TCERG1L: variants seen among roughly 807,000 people sequenced by gnomAD.
The protein encoded by TCERG1L is transcription elongation regulator 1 like, also known as transcription elongation regulator 1-like protein.
In TCERG1L, 37 loss-of-function variants were observed where a neutral mutation model predicts 56.3. That is an observed-to-expected ratio of 0.66 (90% CI 0.51 to 0.87). The LOEUF (loss-of-function observed/expected upper bound fraction) is 0.87, where lower values mean the gene tolerates loss of function less well. Among genes scored for constraint, TCERG1L ranks in the 40% least tolerant of loss-of-function variants. The pLI is 0.00. For synonymous variants in TCERG1L, 324 were observed against 326.3 expected, an observed-to-expected ratio of 0.99 and a Z score of 0.08; for missense variants, 799 against 774.2, an observed-to-expected ratio of 1.03 and a Z score of -0.38.
intron 4 of TCERG1L, among the ~76,000 whole-genome samples, chr10:131,236,161 T>C (rs1845909752): frequency 6.6e-6 from 1 of 152,226 alleles, no homozygotes; most frequent in Non-Finnish European, 1.5e-5. Context: ...ATGCAAACAC[T>C]TAGCCTTTCG....
intron 4 of TCERG1L, among the ~76,000 whole-genome samples, chr10:131,191,883 A>AG (rs1207710679): frequency 3.4e-4 from 46 of 136,206 alleles, no homozygotes; most frequent in African/African-American, 1.2e-3. Flanking sequence ...AAAAAAAAAA[A>AG]AAAAAAGAAA....
At chr10:131,281,423 T>C (rs949042037) in intron 3 of TCERG1L, among the ~76,000 whole-genome samples, 1 of 152,070 alleles carries the variant, frequency 6.6e-6, no homozygotes, top group Non-Finnish European at 1.5e-5. Flanking sequence ...AAAAAATCCA[T>C]TGCAGTAAAG....
At chr10:131,300,976 T>C (rs944633144) in intron 3 of TCERG1L, among the ~76,000 whole-genome samples, 1 of 152,074 alleles carries the variant, frequency 6.6e-6, no homozygotes, top group East Asian at 1.9e-4. Flanking sequence ...CCTTTAAAAA[T>C]GTATTTTGAT....
intron 4 of TCERG1L, among the ~76,000 whole-genome samples, chr10:131,251,128 G>A (rs1271516794): frequency 6.6e-6 from 1 of 152,166 alleles, no homozygotes; most frequent in Admixed American, 6.5e-5. Flanking sequence ...AAGACACTGA[G>A]AAATTCCAGG....
At chr10:131,174,476 G>A (rs1157120735) in intron 4 of TCERG1L, among the ~76,000 whole-genome samples, 1 of 152,076 alleles carries the variant, frequency 6.6e-6, no homozygotes, top group Non-Finnish European at 1.5e-5. Context: ...GAGGTCCCCT[G>A]GTCGGGGCTG....
intron 10 of TCERG1L, among the ~76,000 whole-genome samples, chr10:131,102,006 G>A (rs1161009865): frequency 6.6e-6 from 1 of 152,118 alleles, no homozygotes; most frequent in Non-Finnish European, 1.5e-5. Context: ...CCAGCCCATA[G>A]CTGAAATTTT....
At chr10:131,187,320 TCA>T (rs956904515) in intron 4 of TCERG1L, among the ~76,000 whole-genome samples, 2 of 152,182 alleles carry the variant, frequency 1.3e-5, no homozygotes, top group Non-Finnish European at 2.9e-5. Context: ...CTGTGCAACC[TCA>T]GAGTCAGAGA....
At chr10:131,310,315 A>G (rs773111003) in intron 1 of TCERG1L, among the ~76,000 whole-genome samples, 1 of 152,224 alleles carries the variant, frequency 6.6e-6, no homozygotes, top group Non-Finnish European at 1.5e-5. Context: ...AAAATCCAAA[A>G]TAAACTGCAT....
chr10:131,115,188 A>C (rs939317002), intron 9 of TCERG1L, among the ~76,000 whole-genome samples: 1 of 152,244 alleles, frequency 6.6e-6, no homozygotes, highest in Non-Finnish European at 1.5e-5. Flanking sequence ...CACTGGCTGG[A>C]CACTTGGACA....
At chr10:131,175,531 A>C (rs1466875468) in intron 4 of TCERG1L, among the ~76,000 whole-genome samples, 3 of 152,256 alleles carry the variant, frequency 2.0e-5, no homozygotes, top group Non-Finnish European at 4.4e-5. Flanking sequence ...AGGGAGCCAC[A>C]GAGCCAGTTC....
At chr10:131,144,893 C>G (rs1845779309) in intron 7 of TCERG1L, among the ~76,000 whole-genome samples, 1 of 152,208 alleles carries the variant, frequency 6.6e-6, no homozygotes, top group African/African-American at 2.4e-5. Context: ...CACCCACAGT[C>G]CTGGCGAGCC....
intron 4 of TCERG1L, among the ~76,000 whole-genome samples, chr10:131,227,493 C>T (rs557086663): frequency 2.6e-5 from 4 of 152,306 alleles, no homozygotes; most frequent in South Asian, 2.1e-4. Context: ...CCCGCTTCCC[C>T]GCAAACCACA....
chr10:131,230,211 C>G (rs771307482), intron 4 of TCERG1L, among the ~76,000 whole-genome samples: 1 of 152,208 alleles, frequency 6.6e-6, no homozygotes, highest in Non-Finnish European at 1.5e-5. Flanking sequence ...CTCCTTGGGT[C>G]CTTGTGTTTC....
At position 131,229,832 on chromosome 10, in the gene TCERG1L, A is replaced by C. The variant is rs1016606386; in HGVS notation, c.856+30427T>G. Among the ~76,000 whole-genome samples, 36 of 150,938 alleles carry C rather than the reference A, an allele frequency of 2.4e-4. 1 individual carries two copies. The highest frequency in any genetic ancestry group is 6.6e-5 in the Admixed American group (1 of 15,234). Reference sequence around the variant, plus strand: ...GGCATAGGGTAAGTAACCTTAATAAAATTTAAAGAAGTGATAATAATAATA... The same window carrying C: ...GGCATAGGGTAAGTAACCTTAATAACATTTAAAGAAGTGATAATAATAATA... On this transcript the variant is annotated intron_variant, in intron 4 of 11. Coordinates refer to ENST00000368642, the MANE Select transcript of TCERG1L (RefSeq NM_174937.4).
At chr10:131,106,897 T>C (rs917642878) in intron 9 of TCERG1L, among the ~76,000 whole-genome samples, 1 of 152,210 alleles carries the variant, frequency 6.6e-6, no homozygotes, top group African/African-American at 2.4e-5. Flanking sequence ...TTTTCTGTAA[T>C]ACCCACGAGC....
intron 8 of TCERG1L, among the ~76,000 whole-genome samples, chr10:131,131,477 C>T (rs150987370): frequency 9.2e-4 from 140 of 152,270 alleles, no homozygotes; most frequent in African/African-American, 3.2e-3. Context: ...GCATCGTCTT[C>T]GCCAATGCAT....
Position 131,103,695 on chromosome 10 carries a change from A to T in TCERG1L, c.1485+570T>A, listed in dbSNP as rs934338864. Reference sequence around the variant, plus strand: ...AACAGAGTCAGATCCTGTCTAAAATAAAATGAAATAAAATAAAATAAAAGG... The same window carrying T: ...AACAGAGTCAGATCCTGTCTAAAATTAAATGAAATAAAATAAAATAAAAGG... On this transcript the variant is annotated intron_variant, in intron 10 of 11. Transcript: ENST00000368642. This position sits in a 1 kb window ranked among gnomAD's most constrained non-coding sequence, Gnocchi z 4.3. Among the ~76,000 whole-genome samples the T allele has an allele frequency of 2.6e-5, 4 of 152,210 alleles. No individual in the cohort carries two copies. The highest frequency in any genetic ancestry group is 9.7e-5 in the African/African-American group (4 of 41,440).
At chr10:131,114,942 C>T (rs532931347) in intron 9 of TCERG1L, among the ~76,000 whole-genome samples, 20 of 152,352 alleles carry the variant, frequency 1.3e-4, no homozygotes, top group Non-Finnish European at 1.9e-4. Context: ...CTCAGAATTA[C>T]GGCCATTTCC....
chr10:131,133,841 C>A (rs572407385), intron 8 of TCERG1L, among the ~76,000 whole-genome samples: 4 of 152,224 alleles, frequency 2.6e-5, no homozygotes, highest in Non-Finnish European at 5.9e-5. Context: ...AGGAGAGCTT[C>A]CCACTGGCTG....
Sources: allele counts gnomAD v4.1 joint callset (sites outside exome capture counted in the v4.1 genomes callset), GRCh38; gene constraint gnomAD v4.1.1; non-coding constraint Gnocchi (gnomAD v3.1); transcripts MANE v1.5; gene names NCBI Gene and HGNC (gene_info 2026-07-23, HGNC 2026-07-21).